Variants in FHIT observed in about 807,000 individuals in gnomAD.
FHIT encodes bis(5'-adenosyl)-triphosphatase.
A neutral mutation model predicts 17.9 loss-of-function variants in FHIT; 19 were observed. The observed-to-expected ratio is 1.06, with a 90% confidence interval of 0.74 to 1.56. The LOEUF (loss-of-function observed/expected upper bound fraction) is 1.56, where lower values mean the gene tolerates loss of function less well. Among genes scored for constraint, FHIT ranks in the 40% most tolerant of loss-of-function variants. The pLI, the probability that FHIT is intolerant of heterozygous loss-of-function variation, is 0.00. For missense variants in FHIT, 248 were observed against 189.2 expected, an observed-to-expected ratio of 1.31 and a Z score of -1.82; for synonymous variants, 81 against 69.7, an observed-to-expected ratio of 1.16 and a Z score of -0.81.
intron 4 of FHIT, among the ~76,000 whole-genome samples, chr3:60,758,133 C>T (rs1238709200): frequency 6.6e-6 from 1 of 152,184 alleles, no homozygotes. Context: ...TTGGTTGTAT[C>T]CCACCACCCA....
intron 5 of FHIT, among the ~76,000 whole-genome samples, chr3:60,268,999 G>A (rs1198439829): frequency 3.3e-5 from 5 of 152,286 alleles, no homozygotes; most frequent in African/African-American, 1.2e-4. Flanking sequence ...AAAAGTCAAA[G>A]AAACAGGTTC....
chr3:60,105,755 T>G (rs1352252083), intron 5 of FHIT, among the ~76,000 whole-genome samples: 1 of 152,174 alleles, frequency 6.6e-6, no homozygotes, highest in Non-Finnish European at 1.5e-5. Flanking sequence ...AGTGTGGATT[T>G]TTTTTTAGTT....
chr3:60,199,185 G>A (rs1328931747), intron 5 of FHIT, among the ~76,000 whole-genome samples: 1 of 152,122 alleles, frequency 6.6e-6, no homozygotes, highest in East Asian at 1.9e-4. Context: ...TTTTATTCCT[G>A]TGATTCCCCA....
At chr3:60,816,693 T>C (rs1490941053) in intron 4 of FHIT, among the ~76,000 whole-genome samples, 1 of 39,518 alleles carries the variant, frequency 2.5e-5, no homozygotes, top group Non-Finnish European at 9.1e-5. Context: ...GCCTGTTGAT[T>C]TCTTTTTTTT....
chr3:60,936,713 G>A (rs1708204253), intron 3 of FHIT, among the ~76,000 whole-genome samples: 1 of 152,104 alleles, frequency 6.6e-6, no homozygotes, highest in Non-Finnish European at 1.5e-5. Flanking sequence ...TAACTGTTGT[G>A]TTGGTAGCAT....
chr3:61,063,437 A>G (rs1016390950), intron 2 of FHIT, among the ~76,000 whole-genome samples: 1 of 152,098 alleles, frequency 6.6e-6, no homozygotes, highest in African/African-American at 2.4e-5. Context: ...TAACCATTGC[A>G]CTATACTCCC....
chr3:60,427,000 G>T, intron 5 of FHIT, among the ~76,000 whole-genome samples: 1 of 152,006 alleles, frequency 6.6e-6, no homozygotes, highest in South Asian at 2.1e-4. Context: ...GGGATTTCTC[G>T]GATGTAATTA....
At chr3:59,899,910 G>A (rs547851145) in intron 8 of FHIT, among the ~76,000 whole-genome samples, 2 of 152,234 alleles carry the variant, frequency 1.3e-5, no homozygotes, top group Admixed American at 6.5e-5. Flanking sequence ...GCCAGGAGTT[G>A]GCAAACGTTT....
intron 2 of FHIT, among the ~76,000 whole-genome samples, chr3:61,092,346 G>A (rs752155189): frequency 3.3e-5 from 5 of 152,190 alleles, no homozygotes; most frequent in Non-Finnish European, 4.4e-5. Context: ...GACCCACTAC[G>A]TCAAGCTCAA....
chr3:60,174,640 C>CT (rs1231677174), intron 5 of FHIT, among the ~76,000 whole-genome samples: 59 of 142,318 alleles, frequency 4.1e-4, no homozygotes, highest in East Asian at 1.5e-3. Context: ...AAGGTCCATG[C>CT]TTTTTTTTTT....
At chr3:61,208,228 C>T (rs1309078123) in intron 1 of FHIT, among the ~76,000 whole-genome samples, 1 of 152,030 alleles carries the variant, frequency 6.6e-6, no homozygotes, top group Non-Finnish European at 1.5e-5. Flanking sequence ...GAGTGCTTTA[C>T]TTCCAACTAT....
At chr3:60,121,898 G>A (rs1306230634) in intron 5 of FHIT, among the ~76,000 whole-genome samples, 1 of 152,022 alleles carries the variant, frequency 6.6e-6, no homozygotes, top group African/African-American at 2.4e-5. Context: ...ATTTCACAAT[G>A]TTGTATCTAC....
intron 4 of FHIT, among the ~76,000 whole-genome samples, chr3:60,764,193 T>C (rs1699765878): frequency 6.6e-6 from 1 of 152,060 alleles, no homozygotes; most frequent in Non-Finnish European, 1.5e-5. Context: ...TTGGAGTTGA[T>C]GGGGCATGCT....
At chr3:60,542,118 T>C (rs548047455) in intron 4 of FHIT, among the ~76,000 whole-genome samples, 1 of 152,352 alleles carries the variant, frequency 6.6e-6, no homozygotes, top group African/African-American at 2.4e-5. Flanking sequence ...AATTTGTATA[T>C]AAATTGTAGG....
intron 8 of FHIT, among the ~76,000 whole-genome samples, chr3:59,880,248 C>T (rs139646138): frequency 2.4e-4 from 36 of 152,310 alleles, no homozygotes; most frequent in African/African-American, 8.4e-4. Flanking sequence ...AGCGCCTTCC[C>T]TCCCCAAGAC....
At chr3:60,563,467 G>A (rs1054202187) in intron 4 of FHIT, among the ~76,000 whole-genome samples, 1 of 152,202 alleles carries the variant, frequency 6.6e-6, no homozygotes, top group South Asian at 2.1e-4. Context: ...TCAAAAAGTA[G>A]AAACGATAAA....
At chr3:60,259,482 G>T (rs887511920) in intron 5 of FHIT, among the ~76,000 whole-genome samples, 7 of 152,150 alleles carry the variant, frequency 4.6e-5, no homozygotes, top group Admixed American at 1.3e-4. Flanking sequence ...AAAACATTCT[G>T]AGGACAGGAT....
At chr3:60,075,813 C>G (rs1702982258) in intron 5 of FHIT, among the ~76,000 whole-genome samples, 1 of 152,086 alleles carries the variant, frequency 6.6e-6, no homozygotes, top group South Asian at 2.1e-4. Context: ...GCCTGGCATT[C>G]TCATGAAGCT....
intron 8 of FHIT, among the ~76,000 whole-genome samples, chr3:59,865,032 C>T (rs11923964): frequency 0.34 from 51,400 of 151,924 alleles, 9,696 homozygotes; most frequent in East Asian, 0.6. Flanking sequence ...ATTGAAACTG[C>T]CCATTTCTGA....
Sources: gnomAD v4.1 joint callset for allele counts (sites outside exome capture counted in the v4.1 genomes callset) on GRCh38, gnomAD v4.1.1 for gene constraint, MANE v1.5 for transcripts, NCBI Gene and HGNC (gene_info 2026-07-23, HGNC 2026-07-21) for gene names.